Variants in SLC35F3 observed in about 807,000 individuals in gnomAD.
SLC35F3 encodes putative thiamine transporter SLC35F3.
SLC35F3 carries 25 observed loss-of-function variants against 49.9 expected under a neutral mutation model. That is an observed-to-expected ratio of 0.50 (90% CI 0.37 to 0.70). The LOEUF (loss-of-function observed/expected upper bound fraction) is 0.70. Ranked by LOEUF, SLC35F3 falls within the 30% of genes least tolerant of loss-of-function variation. The pLI is 0.00. For missense variants in SLC35F3, 525 were observed against 639.8 expected (o/e 0.82, Z 1.94); for synonymous variants, 275 against 265.4 (o/e 1.04, Z -0.35).
chr1:234,161,268 A>C (rs977757284), intron 2 of SLC35F3, among the ~76,000 whole-genome samples: 1 of 152,222 alleles, frequency 6.6e-6, no homozygotes, highest in Non-Finnish European at 1.5e-5. Context: ...CCAACTTTAC[A>C]GATGGAGGAA....
At chr1:234,181,441 ACT>A (rs1474906024) in intron 2 of SLC35F3, among the ~76,000 whole-genome samples, 2 of 152,122 alleles carry the variant, frequency 1.3e-5, no homozygotes, top group Non-Finnish European at 2.9e-5. Flanking sequence ...GAAATTATCC[ACT>A]GTTTGATCCC....
At chr1:233,908,179 A>T (rs1010912096) in intron 2 of SLC35F3, among the ~76,000 whole-genome samples, 1 of 118,902 alleles carries the variant, frequency 8.4e-6, no homozygotes, top group Admixed American at 7.8e-5. Flanking sequence ...TGATGGTTAC[A>T]AAAAAAACAA....
intron 2 of SLC35F3, among the ~76,000 whole-genome samples, chr1:234,058,450 G>A (rs12027434): frequency 0.019 from 2,790 of 147,756 alleles, 118 homozygotes; most frequent in East Asian, 0.17. Context: ...GAACAAGCAG[G>A]CCTCCCACCT....
At chr1:234,087,878 CT>C (rs2102875737) in intron 2 of SLC35F3, among the ~76,000 whole-genome samples, 1 of 152,346 alleles carries the variant, frequency 6.6e-6, no homozygotes, top group South Asian at 2.1e-4. Flanking sequence ...CAACATTCTT[CT>C]GCCTGCACTG....
chr1:234,230,712 T>A (rs993319201), intron 2 of SLC35F3, among the ~76,000 whole-genome samples: 33 of 152,180 alleles, frequency 2.2e-4, no homozygotes, highest in African/African-American at 7.7e-4. Context: ...GAATGGAGTG[T>A]CTGTGGCCTT....
At chr1:234,001,761 T>C (rs76744896) in intron 2 of SLC35F3, among the ~76,000 whole-genome samples, 2,471 of 152,324 alleles carry the variant, frequency 0.016, 54 homozygotes, top group African/African-American at 0.053. Flanking sequence ...AAACCATAGA[T>C]TGATTTTACA....
At chr1:234,232,967 G>A (rs971401967) in intron 3 of SLC35F3, among the ~76,000 whole-genome samples, 1 of 152,150 alleles carries the variant, frequency 6.6e-6, no homozygotes, top group African/African-American at 2.4e-5. Flanking sequence ...TGGAGGAGGG[G>A]GCTCTGATGG....
chr1:234,318,653 G>A lies in SLC35F3; in HGVS notation c.955-98G>A, dbSNP rs1657546970. 18 of 1,083,680 alleles carry A rather than the reference G, an allele frequency of 1.7e-5. No homozygotes were observed. In the South Asian group the frequency reaches 2.7e-4, roughly 17 times the overall value. 67.1% of individuals were successfully genotyped at this position (1,083,680 alleles called of 1,614,324 possible). On this transcript the variant is annotated intron_variant, in intron 5 of 7. Coordinates refer to ENST00000366618, the MANE Select transcript of SLC35F3 (RefSeq NM_173508.4). Reference sequence around the variant, plus strand: ...CCTGGAATCTGGTTTCCATCCTGCAGTGCAAACCCAGCGTTGTGGAGTGAA... The same window carrying A: ...CCTGGAATCTGGTTTCCATCCTGCAATGCAAACCCAGCGTTGTGGAGTGAA...
chr1:234,022,768 A>T (rs4475817), intron 2 of SLC35F3, among the ~76,000 whole-genome samples: 2 of 152,034 alleles, frequency 1.3e-5, no homozygotes, highest in African/African-American at 4.8e-5. Flanking sequence ...TACTGTATAC[A>T]GCATGTTCCA....
intron 2 of SLC35F3, among the ~76,000 whole-genome samples, chr1:234,017,530 T>G (rs1663821502): frequency 6.6e-6 from 1 of 151,450 alleles, no homozygotes; most frequent in African/African-American, 2.4e-5. Flanking sequence ...TGGCTAACAC[T>G]GTGAAACCCC....
chr1:234,143,288 C>CTTTTTT (rs1352256091), intron 2 of SLC35F3, among the ~76,000 whole-genome samples: 5,084 of 123,014 alleles, frequency 0.041, 181 homozygotes, highest in African/African-American at 0.079. Context: ...CTTTTCTTTT[C>CTTTTTT]TTTTTTTTTT....
chr1:234,067,280 G>A (rs1232764942), intron 2 of SLC35F3, among the ~76,000 whole-genome samples: 5 of 152,124 alleles, frequency 3.3e-5, no homozygotes, highest in East Asian at 3.9e-4. Flanking sequence ...GGCTATTGTC[G>A]CTACCTTTAG....
In SLC35F3 at chr1:234,165,506, A is replaced by G. The variant is rs77082717; in HGVS notation, c.284-65911A>G. 7.6e-3 allele frequency among the ~76,000 whole-genome samples: 1,161 copies of G among 152,246 alleles called. 21 individuals are homozygous for G. Among genetic ancestry groups the G allele is most frequent in the African/African-American group, 0.025 (1,049 of 41,542 alleles). On this transcript the variant is annotated intron_variant, in intron 2 of 7. Coordinates refer to ENST00000366618, the MANE Select transcript of SLC35F3 (RefSeq NM_173508.4). Reference sequence around the variant, plus strand: ...ATACATTAGAAAATATATTCATAAAATAGTGGATCTCAAAACGTTTGGTCT... The same window carrying G: ...ATACATTAGAAAATATATTCATAAAGTAGTGGATCTCAAAACGTTTGGTCT...
chr1:234,270,517 T>C (rs1360637828), intron 3 of SLC35F3, among the ~76,000 whole-genome samples: 1 of 152,242 alleles, frequency 6.6e-6, no homozygotes, highest in Non-Finnish European at 1.5e-5. Context: ...CATTTCATCA[T>C]GTTGATCTGT....
In SLC35F3 at chr1:234,096,497, T is replaced by A. The variant is rs552555969; in HGVS notation, c.284-134920T>A. 1.1e-3 allele frequency among the ~76,000 whole-genome samples: 161 copies of A among 152,318 alleles called. 2 individuals are homozygous for A. The South Asian group carries it at 0.022, about 21-fold the overall frequency. ...TTATCACATGTATAGCTACAAAGAA[T>A]GTAGTCCATCTCTATCTTGACAGGT... On this transcript the variant is annotated intron_variant, in intron 2 of 7. Transcript: ENST00000366618.
chr1:234,160,976 C>T (rs1486669283), intron 2 of SLC35F3, among the ~76,000 whole-genome samples: 1 of 152,198 alleles, frequency 6.6e-6, no homozygotes, highest in African/African-American at 2.4e-5. Context: ...TCAGGCTCTT[C>T]CTCCATCTCT....
intron 2 of SLC35F3, among the ~76,000 whole-genome samples, chr1:233,988,094 G>T (rs1240140782): frequency 6.6e-6 from 1 of 152,040 alleles, no homozygotes; most frequent in African/African-American, 2.4e-5. Context: ...TCATTTTTAA[G>T]CCAGAAATAC....
intron 2 of SLC35F3, among the ~76,000 whole-genome samples, chr1:234,225,881 C>T (rs760605763): frequency 2.0e-5 from 3 of 152,138 alleles, no homozygotes; most frequent in Non-Finnish European, 4.4e-5. Flanking sequence ...CACGCTACAA[C>T]GTGGATAAAC....
At chr1:233,916,321 G>A (rs150013218) in intron 2 of SLC35F3, among the ~76,000 whole-genome samples, 1 of 152,148 alleles carries the variant, frequency 6.6e-6, no homozygotes, top group Non-Finnish European at 1.5e-5. Flanking sequence ...AGCCTGGAGT[G>A]CAGTGGCACA....
Sources: allele counts gnomAD v4.1 joint callset (sites outside exome capture counted in the v4.1 genomes callset), GRCh38; gene constraint gnomAD v4.1.1; transcripts MANE v1.5; gene names NCBI Gene and HGNC (gene_info 2026-07-23, HGNC 2026-07-21).